LSP1: variants seen among roughly 807,000 people sequenced by gnomAD.
The protein encoded by LSP1 is lymphocyte specific protein 1.
Under a neutral mutation model 49.3 loss-of-function variants are expected in LSP1, and 32 were observed. The observed-to-expected ratio is 0.65, with a 90% confidence interval of 0.49 to 0.87. The LOEUF (loss-of-function observed/expected upper bound fraction) is 0.87. Ranked by LOEUF, LSP1 falls within the 40% of genes least tolerant of loss-of-function variation. The pLI, the probability that LSP1 is intolerant of heterozygous loss-of-function variation, is 0.00. For synonymous variants in LSP1, 179 were observed against 178.8 expected (o/e 1.00, Z -0.01); for missense variants, 428 against 442.6 (o/e 0.97, Z 0.30).
chr11:1,857,055 T>C (rs1847507087), intron 1 of LSP1, among the ~76,000 whole-genome samples: 1 of 152,182 alleles, frequency 6.6e-6, no homozygotes, highest in Non-Finnish European at 1.5e-5. Context: ...GAGGTCCCCT[T>C]CCTCCTGCCC....
intron 1 of LSP1, among the ~76,000 whole-genome samples, chr11:1,854,581 A>G (rs116368858): frequency 0.013 from 2,054 of 152,208 alleles, 51 homozygotes; most frequent in African/African-American, 0.047. Context: ...GGGGCCACTG[A>G]AGGGACCCCG....
At chr11:1,853,445 G>C (rs1278383244) in intron 1 of LSP1, among the ~76,000 whole-genome samples, 1 of 152,212 alleles carries the variant, frequency 6.6e-6, no homozygotes, top group Admixed American at 6.5e-5. Context: ...CTCACTGGGG[G>C]AGGCGCGTGG....
intron 1 of LSP1, among the ~76,000 whole-genome samples, chr11:1,877,051 G>C (rs1214400173): frequency 6.6e-6 from 1 of 152,200 alleles, no homozygotes; most frequent in African/African-American, 2.4e-5. Flanking sequence ...CAAATCCCTC[G>C]CAGCTGCACG....
chr11:1,858,927 T>C (rs1165883026), intron 1 of LSP1, among the ~76,000 whole-genome samples: 1 of 152,162 alleles, frequency 6.6e-6, no homozygotes, highest in Non-Finnish European at 1.5e-5. Flanking sequence ...CCCCTGGCCC[T>C]TTCTTGGGGC....
intron 1 of LSP1, among the ~76,000 whole-genome samples, chr11:1,877,116 G>A (rs905073270): frequency 3.2e-4 from 48 of 152,218 alleles, no homozygotes; most frequent in Admixed American, 2.8e-3. Flanking sequence ...TGACAGCTCC[G>A]TGGTGCATGC....
At chr11:1,871,535 A>G in intron 1 of LSP1, 2 of 941,262 alleles carry the variant, frequency 2.1e-6, no homozygotes, top group Non-Finnish European at 2.5e-6. Context: ...CCAGGGGTAG[A>G]GGGGTTGGGG....
intron 10 of LSP1, chr11:1,890,316 G>T (rs1848943310): frequency 1.4e-6 from 1 of 711,618 alleles, no homozygotes; most frequent in African/African-American, 1.7e-5. Flanking sequence ...TGGGGCTTCG[G>T]CGGGGTGCGG....
intron 1 of LSP1, among the ~76,000 whole-genome samples, chr11:1,864,563 G>A (rs1847726462): frequency 6.6e-6 from 1 of 152,064 alleles, no homozygotes; most frequent in Non-Finnish European, 1.5e-5. Context: ...TGCTGGGCTG[G>A]GAGAGTTTTC....
intron 1 of LSP1, among the ~76,000 whole-genome samples, chr11:1,866,016 A>G (rs1432916416): frequency 1.3e-5 from 2 of 151,904 alleles, no homozygotes; most frequent in African/African-American, 4.8e-5. Context: ...GTGGCCCTTC[A>G]TGGGGTCAGG....
chr11:1,886,776 G>C lies in LSP1; in HGVS notation c.762G>C (p.Glu254Asp), dbSNP rs1381440832. Reference sequence around the variant, plus strand: ...AGCTAGCCCGCCAGGCCTCCATAGAGCTGCCCAGCATGGCTGTGGCCAGTA... The same window carrying C: ...AGCTAGCCCGCCAGGCCTCCATAGACCTGCCCAGCATGGCTGTGGCCAGTA... Reference protein sequence around the residue: ...TPKLARQASIELPSMAVASTK... With the variant: ...TPKLARQASIDLPSMAVASTK... Residue 254 changes from glutamate (E) to aspartate (D), a missense_variant, in exon 8 of 11, where the codon GAG becomes GAC. Physicochemically the swap from Glu to Asp is conservative, Grantham distance 45 (BLOSUM62 2). Coordinates refer to ENST00000311604, the MANE Select transcript of LSP1 (RefSeq NM_002339.3). 3 of 1,611,770 alleles carry C rather than the reference G, an allele frequency of 1.9e-6. No homozygotes were observed. Among genetic ancestry groups the C allele is most frequent in the Non-Finnish European group, 1.7e-6 (2 of 1,179,766 alleles).
chr11:1,865,045 G>T, intron 1 of LSP1: 1 of 214,650 alleles, frequency 4.7e-6, no homozygotes, highest in South Asian at 1.4e-4. Flanking sequence ...GAGGGGCCAG[G>T]AGAGGCAGGA....
intron 1 of LSP1, chr11:1,865,088 G>A: frequency 2.0e-6 from 1 of 496,834 alleles, no homozygotes; most frequent in Non-Finnish European, 2.6e-6. Context: ...GGGGGGCAGG[G>A]GTGCGGGAGG....
At chr11:1,890,748 G>A in intron 10 of LSP1, 2 of 601,844 alleles carry the variant, frequency 3.3e-6, no homozygotes, top group Non-Finnish European at 5.9e-6. Context: ...GACATGCTGA[G>A]CTCGACTGTG....
chr11:1,859,645 G>A (rs1847573190), intron 1 of LSP1: 1 of 153,202 alleles, frequency 6.5e-6, no homozygotes. Context: ...ACCAAAATCT[G>A]AGCTTCATCA....
At chr11:1,866,497 C>T in intron 1 of LSP1, 1 of 1,498,116 alleles carries the variant, frequency 6.7e-7, no homozygotes, top group Non-Finnish European at 8.9e-7. Flanking sequence ...TGGTCCCCAC[C>T]TGGCAGGGTC....
chr11:1,868,254 C>T (rs1847860454), intron 1 of LSP1, among the ~76,000 whole-genome samples: 1 of 152,232 alleles, frequency 6.6e-6, no homozygotes, highest in Non-Finnish European at 1.5e-5. Context: ...GTAGCCTGGC[C>T]CGGAGTGAAG....
chr11:1,884,521 G>C lies in LSP1; in HGVS notation c.657G>C (p.Gln219His), dbSNP rs1225441968. 6.2e-7 allele frequency: 1 copy of C among 1,613,912 alleles called. No homozygotes were observed. The highest frequency in any genetic ancestry group is 1.7e-5 in the Admixed American group (1 of 59,986). Reference protein sequence around the residue: ...IEKSNSVKKSQPDLPISKIDQ... With the variant: ...IEKSNSVKKSHPDLPISKIDQ... Reference sequence around the variant, plus strand: ...CCAGTAACAGTGTGAAGAAATCCCAGCCAGACTTGCCCATCTCCAAGATTG... The same window carrying C: ...CCAGTAACAGTGTGAAGAAATCCCACCCAGACTTGCCCATCTCCAAGATTG... Residue 219 changes from glutamine to histidine, a missense_variant, in exon 7 of 11, where the codon CAG (glutamine) becomes CAC (histidine). Physicochemically the swap from Gln to His is conservative, Grantham distance 24 (BLOSUM62 0). Coordinates refer to ENST00000311604, the MANE Select transcript of LSP1 (RefSeq NM_002339.3). The surrounding 1 kb of genome is among the most constrained non-coding windows in gnomAD (Gnocchi z 4.1).
At chr11:1,872,721 G>A (rs1443654665) in intron 1 of LSP1, among the ~76,000 whole-genome samples, 1 of 117,762 alleles carries the variant, frequency 8.5e-6, no homozygotes, top group Non-Finnish European at 1.8e-5. Flanking sequence ...ACCCTGGCCT[G>A]CGCTGGTAGA....
At chr11:1,861,489 T>C (rs1308421824) in intron 1 of LSP1, among the ~76,000 whole-genome samples, 1 of 152,194 alleles carries the variant, frequency 6.6e-6, no homozygotes, top group Non-Finnish European at 1.5e-5. Flanking sequence ...AATGAATGGA[T>C]GGATGGATAG....
Sources: allele counts gnomAD v4.1 joint callset (sites outside exome capture counted in the v4.1 genomes callset), GRCh38; gene constraint gnomAD v4.1.1; non-coding constraint Gnocchi (gnomAD v3.1); transcripts MANE v1.5; gene names NCBI Gene and HGNC (gene_info 2026-07-23, HGNC 2026-07-21).